SEPTIN10: variants seen among roughly 807,000 people sequenced by gnomAD.
SEPTIN10 encodes septin-10.
SEPTIN10 carries 66 observed loss-of-function variants against 54.8 expected under a neutral mutation model. The observed-to-expected ratio is 1.21, with a 90% CI of 0.99 to 1.48. SEPTIN10 has a LOEUF of 1.48. Ranked by LOEUF, SEPTIN10 falls within the 40% of genes most tolerant of loss-of-function variation. SEPTIN10 has a pLI of 0.00. For missense variants in SEPTIN10, 620 were observed against 545.6 expected, an observed-to-expected ratio of 1.14 and a Z score of -1.36; for synonymous variants, 161 against 181.0, an observed-to-expected ratio of 0.89 and a Z score of 0.89.
chr2:109,547,317 C>T (rs1309278740), intron 9 of SEPTIN10, among the ~76,000 whole-genome samples: 1 of 150,720 alleles, frequency 6.6e-6, no homozygotes, highest in African/African-American at 2.4e-5. Flanking sequence ...TTGAGAACTA[C>T]TCATTGACTG....
At chr2:109,589,938 A>T (rs978884005) in intron 2 of SEPTIN10, among the ~76,000 whole-genome samples, 1 of 152,084 alleles carries the variant, frequency 6.6e-6, no homozygotes, top group East Asian at 1.9e-4. Flanking sequence ...CTAGCTAGGT[A>T]TCCCAATAGT....
intron 1 of SEPTIN10, chr2:109,613,537 C>T (rs1699746513): frequency 4.1e-6 from 1 of 244,562 alleles, no homozygotes; most frequent in African/African-American, 2.3e-5. Flanking sequence ...ACCGGGAAGT[C>T]GTTCAAGAAC....
At chr2:109,570,355 T>C (rs957758602) in intron 5 of SEPTIN10, among the ~76,000 whole-genome samples, 1 of 152,180 alleles carries the variant, frequency 6.6e-6, no homozygotes, top group Admixed American at 6.5e-5. Flanking sequence ...CTCATTAATG[T>C]CTTTACAGTT....
At chr2:109,585,600 G>C in intron 3 of SEPTIN10, 121 bp downstream of exon 3, 2 of 807,312 alleles carry the variant, frequency 2.5e-6, no homozygotes, top group South Asian at 1.7e-5. Flanking sequence ...AACAACTAAA[G>C]AGAATCCCTG....
At chr2:109,571,950 A>G (rs28369323) in intron 5 of SEPTIN10, among the ~76,000 whole-genome samples, 48,586 of 152,062 alleles carry the variant, frequency 0.32, 7,996 homozygotes, top group Admixed American at 0.42. Flanking sequence ...CAGTTACCTC[A>G]AATACCAATA....
chr2:109,546,222 C>G lies in SEPTIN10; in HGVS notation c.1177G>C (p.Glu393Gln). 1.3e-6 allele frequency: 2 copies of G among 1,554,542 alleles called. No homozygotes were observed. The highest frequency in any genetic ancestry group is 1.7e-6 in the Non-Finnish European group (2 of 1,153,022). ...TCTTGGTGAAGTCTCTTAAGGTGCT[C>G]AAATTTGGCCTGTAGCTGGAAACAA... The part of the protein sequence containing the change: ...EAERELQAKF[E>Q]HLKRLHQEER... Residue 393 changes from glutamate (E) to glutamine (Q), a missense_variant, in exon 10 of 11, where the codon GAG becomes CAG. Glu to Gln is a conservative substitution (Grantham distance 29, BLOSUM62 2). Coordinates refer to ENST00000397712, the MANE Select transcript of SEPTIN10 (RefSeq NM_144710.5).
chr2:109,587,925 C>A (rs1390806942), intron 2 of SEPTIN10, among the ~76,000 whole-genome samples: 2 of 148,142 alleles, frequency 1.4e-5, no homozygotes, highest in Non-Finnish European at 3.0e-5. Flanking sequence ...AAAAAAAAAA[C>A]AAAAACAAAC....
At chr2:109,571,200 G>T (rs1484923441) in intron 5 of SEPTIN10, among the ~76,000 whole-genome samples, 1 of 152,192 alleles carries the variant, frequency 6.6e-6, no homozygotes, top group East Asian at 1.9e-4. Flanking sequence ...TTCTTGTACA[G>T]CCTAAGGAAC....
intron 5 of SEPTIN10, among the ~76,000 whole-genome samples, chr2:109,571,693 T>C (rs1688430699): frequency 6.6e-6 from 1 of 152,204 alleles, no homozygotes; most frequent in Non-Finnish European, 1.5e-5. Flanking sequence ...ATAAGGAATT[T>C]CAGCATCCTC....
chr2:109,546,094 A>C lies in SEPTIN10; in HGVS notation c.1305T>G (p.Phe435Leu). ...ATSEIFHSQSFLATGSNLRKD... is the reference protein window; with the variant it reads ...ATSEIFHSQSLLATGSNLRKD... ...TCCTCAGGTTGCTGCCTGTTGCCAG[A>C]AAGGACTGGCTGTGAAATATCTCGG... The change falls in exon 10 of 11, where the codon TTT becomes TTG. Residue 435 changes from phenylalanine to leucine, a missense_variant. Physicochemically the swap from Phe to Leu is conservative, Grantham distance 22. Coordinates refer to ENST00000397712, the MANE Select transcript of SEPTIN10 (RefSeq NM_144710.5). 1 of 1,605,702 alleles carries C rather than the reference A, an allele frequency of 6.2e-7. No homozygotes were observed. Among genetic ancestry groups the C allele is most frequent in the Non-Finnish European group, 8.5e-7 (1 of 1,176,952 alleles).
intron 2 of SEPTIN10, among the ~76,000 whole-genome samples, chr2:109,589,997 T>C (rs912472480): frequency 5.3e-5 from 8 of 151,484 alleles, no homozygotes; most frequent in Non-Finnish European, 7.4e-5. Flanking sequence ...TTATGTGCAT[T>C]TTTCACATAA....
At chr2:109,545,465 T>G in intron 10 of SEPTIN10, 1 of 1,536,174 alleles carries the variant, frequency 6.5e-7, no homozygotes, top group Non-Finnish European at 8.7e-7. Flanking sequence ...TCTACCTTTC[T>G]CTGCGTCTTT....
chr2:109,563,731 C>T (rs2105139599), intron 8 of SEPTIN10, among the ~76,000 whole-genome samples: 1 of 152,340 alleles, frequency 6.6e-6, no homozygotes, highest in South Asian at 2.1e-4. Flanking sequence ...CCTACAAGCA[C>T]TCTCCTTCTT....
At chr2:109,592,613 T>A (rs1329742616) in intron 2 of SEPTIN10, among the ~76,000 whole-genome samples, 1 of 151,104 alleles carries the variant, frequency 6.6e-6, no homozygotes, top group African/African-American at 2.4e-5. Context: ...ACCCCATCTC[T>A]ACTAAAATAC....
At chr2:109,558,547 G>A (rs2104964634) in intron 8 of SEPTIN10, among the ~76,000 whole-genome samples, 1 of 152,238 alleles carries the variant, frequency 6.6e-6, no homozygotes, top group Non-Finnish European at 1.5e-5. Context: ...GTTTCCAATG[G>A]TTGAAATAAT....
At chr2:109,606,741 G>A (rs1353195943) in intron 1 of SEPTIN10, among the ~76,000 whole-genome samples, 2 of 127,242 alleles carry the variant, frequency 1.6e-5, no homozygotes, top group Non-Finnish European at 3.1e-5. Context: ...GTGCAGTGGT[G>A]CAATGTCGGC....
intron 1 of SEPTIN10, chr2:109,613,045 A>C: frequency 1.8e-6 from 1 of 541,526 alleles, no homozygotes; most frequent in East Asian, 6.8e-5. Flanking sequence ...AAAAATTAAA[A>C]GGGAGAATTT....
chr2:109,569,952 A>C (rs950267382), intron 5 of SEPTIN10, among the ~76,000 whole-genome samples: 1 of 152,014 alleles, frequency 6.6e-6, no homozygotes, highest in African/African-American at 2.4e-5. Flanking sequence ...TGAGGTCAGC[A>C]AGGACACCAC....
chr2:109,604,378 A>G (rs866185928), intron 1 of SEPTIN10, among the ~76,000 whole-genome samples: 2 of 9,404 alleles, frequency 2.1e-4, no homozygotes, highest in Non-Finnish European at 4.2e-4. Flanking sequence ...GAAAGAAGGG[A>G]AGGGAAGGGG....
Sources: allele counts gnomAD v4.1 joint callset (sites outside exome capture counted in the v4.1 genomes callset), GRCh38; gene constraint gnomAD v4.1.1; transcripts MANE v1.5; gene names NCBI Gene and HGNC (gene_info 2026-07-23, HGNC 2026-07-21).